BMP5: variants seen among roughly 807,000 people sequenced by gnomAD.
The protein encoded by BMP5 is bone morphogenetic protein 5.
In BMP5, 23 loss-of-function variants were observed where a neutral mutation model predicts 46.6. The ratio of observed to expected loss-of-function variants is 0.49; its 90% CI spans 0.35 to 0.70. BMP5 has a LOEUF of 0.70. BMP5 is among the 30% of genes least tolerant of loss of function. The pLI, the probability that BMP5 is intolerant of heterozygous loss-of-function variation, is 0.00. For missense variants in BMP5, 545 were observed against 565.6 expected (o/e 0.96, Z 0.37); for synonymous variants, 204 against 191.9 (o/e 1.06, Z -0.52).
At chr6:55,821,022 T>C (rs1293932566) in intron 1 of BMP5, among the ~76,000 whole-genome samples, 1 of 152,082 alleles carries the variant, frequency 6.6e-6, no homozygotes, top group African/African-American at 2.4e-5. Context: ...AGCTCAAAAA[T>C]TGGAAATCTT....
intron 4 of BMP5, among the ~76,000 whole-genome samples, chr6:55,764,711 G>A (rs529748312): frequency 2.7e-5 from 4 of 149,604 alleles, no homozygotes; most frequent in Non-Finnish European, 4.4e-5. Flanking sequence ...TTAGTCATAT[G>A]TGTAAGCTAA....
chr6:55,836,024 C>A lies in BMP5; in HGVS notation c.491-16177G>T, dbSNP rs150478352. ...TCTTAAATATTAAATAAAATCATAA[C>A]ATCATCTATATGTTTATTTAAATGT... On this transcript the variant is annotated intron_variant, in intron 1 of 6. Transcript: ENST00000370830. 5.0e-3 allele frequency among the ~76,000 whole-genome samples: 757 copies of A among 152,184 alleles called. 7 individuals are homozygous for A. The highest frequency in any genetic ancestry group is 0.017 in the African/African-American group (708 of 41,502).
chr6:55,767,812 G>C (rs566563065), intron 4 of BMP5, among the ~76,000 whole-genome samples: 1 of 152,080 alleles, frequency 6.6e-6, no homozygotes, highest in South Asian at 2.1e-4. Flanking sequence ...TCTTTTTGGA[G>C]TGACATGATT....
In BMP5 at chr6:55,870,490, G is replaced by A. The variant is rs879896761; in HGVS notation, c.490+3886C>T. 9.1e-3 allele frequency among the ~76,000 whole-genome samples: 1,388 copies of A among 152,008 alleles called. 17 individuals carry two copies. Among genetic ancestry groups the A allele is most frequent in the Non-Finnish European group, 0.016 (1,085 of 67,958 alleles). On this transcript the variant is annotated intron_variant, in intron 1 of 6. Transcript: ENST00000370830. Reference sequence around the variant, plus strand: ...TAATTTATGAATATATACTATAATGGCTTTATATTATCTTTCCTTCCAACC... The same window carrying A: ...TAATTTATGAATATATACTATAATGACTTTATATTATCTTTCCTTCCAACC...
Position 55,754,634 on chromosome 6 carries a change from G to A in BMP5, c.*899C>T, listed in dbSNP as rs1774534157. The A allele has an allele frequency of 6.6e-6, 1 of 151,888 alleles. No homozygotes were observed. The highest frequency in any genetic ancestry group is 1.5e-5 in the Non-Finnish European group (1 of 67,918). The allele number at this position is 151,888 out of a possible 1,614,324, so 9.4% of individuals were successfully genotyped here. A position where few individuals can be genotyped will look rare whatever the true frequency, so the allele number is the denominator to read the frequency against. On this transcript the variant is annotated 3_prime_UTR_variant, in exon 7 of 7. Transcript: ENST00000370830. The stretch of plus-strand genomic sequence containing the variant: ...GGTTCTTTCGGCATCTTCTGCTCTT[G>A]TACATTTTACGCATGCAGTGACTCT...
intron 1 of BMP5, among the ~76,000 whole-genome samples, chr6:55,870,162 C>T (rs1777746978): frequency 6.8e-6 from 1 of 147,038 alleles, no homozygotes; most frequent in Non-Finnish European, 1.5e-5. Flanking sequence ...TCTCATTAAA[C>T]TTTTAAAATT....
intron 3 of BMP5, among the ~76,000 whole-genome samples, chr6:55,786,628 C>T (rs561898874): frequency 6.6e-6 from 1 of 151,752 alleles, no homozygotes; most frequent in East Asian, 1.9e-4. Flanking sequence ...CTAATTTATT[C>T]TTAAATATTA....
At chr6:55,857,523 T>C (rs1219750221) in intron 1 of BMP5, among the ~76,000 whole-genome samples, 5 of 152,146 alleles carry the variant, frequency 3.3e-5, no homozygotes, top group African/African-American at 9.7e-5. Flanking sequence ...TCCTATATCA[T>C]TGTGATCATT....
At chr6:55,850,350 GTAGGTAGA>G (rs764999300) in intron 1 of BMP5, among the ~76,000 whole-genome samples, 5 of 53,718 alleles carry the variant, frequency 9.3e-5, no homozygotes, top group Admixed American at 3.2e-4. Flanking sequence ...AGTTAGGTAA[GTAGGTAGA>G]TAGATAGATA....
At chr6:55,782,553 T>C (rs1295552918) in intron 3 of BMP5, among the ~76,000 whole-genome samples, 1 of 152,164 alleles carries the variant, frequency 6.6e-6, no homozygotes, top group Non-Finnish European at 1.5e-5. Context: ...CCAAGAGTGT[T>C]TTCTTGTGCT....
intron 1 of BMP5, among the ~76,000 whole-genome samples, chr6:55,858,367 ATGAGT>A (rs1449784458): frequency 2.7e-4 from 41 of 152,206 alleles, no homozygotes; most frequent in African/African-American, 9.2e-4. Context: ...TTTACAAATA[ATGAGT>A]TGAGTTGGCT....
At chr6:55,773,947 T>C (rs1775106100) in intron 4 of BMP5, 102 bp downstream of exon 4, 2 of 1,252,118 alleles carry the variant, frequency 1.6e-6, no homozygotes, top group East Asian at 4.6e-5. Flanking sequence ...TAATGTACCA[T>C]CCGAAGGTAT....
At chr6:55,845,879 A>G (rs1250406752) in intron 1 of BMP5, among the ~76,000 whole-genome samples, 1 of 152,000 alleles carries the variant, frequency 6.6e-6, no homozygotes, top group Non-Finnish European at 1.5e-5. Context: ...TTTGGGAACA[A>G]GAACACCAAA....
At chr6:55,865,222 T>A (rs899099515) in intron 1 of BMP5, among the ~76,000 whole-genome samples, 1 of 145,024 alleles carries the variant, frequency 6.9e-6, no homozygotes, top group Non-Finnish European at 1.5e-5. Flanking sequence ...AAACTTTTCA[T>A]TTTTTTTTTA....
At chr6:55,800,277 T>C (rs1274657933) in intron 2 of BMP5, among the ~76,000 whole-genome samples, 1 of 152,336 alleles carries the variant, frequency 6.6e-6, no homozygotes, top group East Asian at 1.9e-4. Flanking sequence ...ATCATATATA[T>C]GTTTTGAGAG....
chr6:55,853,231 A>G (rs1441842709), intron 1 of BMP5, among the ~76,000 whole-genome samples: 3 of 142,176 alleles, frequency 2.1e-5, no homozygotes, highest in Non-Finnish European at 4.7e-5. Flanking sequence ...ATAAAATACA[A>G]TAAAATAAAA....
intron 4 of BMP5, chr6:55,772,738 T>C (rs565637275): frequency 1.0e-6 from 1 of 984,928 alleles, no homozygotes; most frequent in African/African-American, 1.7e-5. Flanking sequence ...AAAATTATTT[T>C]AAAACATCAC....
intron 1 of BMP5, among the ~76,000 whole-genome samples, chr6:55,857,626 ATAAAG>A (rs1777431212): frequency 6.6e-6 from 1 of 152,250 alleles, no homozygotes; most frequent in South Asian, 2.1e-4. Flanking sequence ...ATACTAAACT[ATAAAG>A]TATATAATTT....
intron 4 of BMP5, among the ~76,000 whole-genome samples, chr6:55,767,419 C>G (rs920775005): frequency 6.6e-6 from 1 of 152,002 alleles, no homozygotes; most frequent in Admixed American, 6.6e-5. Context: ...ATCCTCAGAA[C>G]TCTTGTAATC....
Sources: gnomAD v4.1 joint callset for allele counts (sites outside exome capture counted in the v4.1 genomes callset) on GRCh38, gnomAD v4.1.1 for gene constraint, MANE v1.5 for transcripts, NCBI Gene and HGNC (gene_info 2026-07-23, HGNC 2026-07-21) for gene names.